The following EXOC6 variants were observed in gnomAD, a reference collection of about 807,000 sequenced individuals.
EXOC6 encodes the protein SEC15-like 1.
In EXOC6, 60 loss-of-function variants were observed where a neutral mutation model predicts 112.5. The observed-to-expected ratio is 0.53, with a 90% CI of 0.43 to 0.66. The LOEUF (loss-of-function observed/expected upper bound fraction) is 0.66. Among genes scored for constraint, EXOC6 ranks in the 30% least tolerant of loss-of-function variants. The pLI is 0.00. For missense variants in EXOC6, 855 were observed against 957.1 expected, an observed-to-expected ratio of 0.89 and a Z score of 1.41; for synonymous variants, 295 against 308.0, an observed-to-expected ratio of 0.96 and a Z score of 0.44.
rs1031009319 is a variant in EXOC6, at chr10:92,920,285, C to G, written c.888+235C>G. ...TGTAATAGTATACTTCCATTTCTCC[C>G]TATTGCCTTTGTGCTGTTGTTACAT... On this transcript the variant is annotated intron_variant, in intron 8 of 21. Transcript: ENST00000260762. 5.3e-5 allele frequency among the ~76,000 whole-genome samples: 8 copies of G among 152,090 alleles called. No individual in the cohort carries two copies. In the East Asian group the frequency reaches 1.5e-3, roughly 29 times the overall value.
chr10:92,998,628 C>A lies in EXOC6; in HGVS notation c.2095+1013C>A, dbSNP rs200399649. On this transcript the variant is annotated intron_variant, in intron 19 of 21. Transcript: ENST00000260762. ...GACAAGATCAATTGTCTGTTGCACA[C>A]CACACACACACACACACACACACAC... 2.1e-5 allele frequency among the ~76,000 whole-genome samples: 3 copies of A among 141,444 alleles called. No homozygotes were observed. In the East Asian group the frequency reaches 6.3e-4, roughly 29 times the overall value. The allele number at this position is 141,444 out of a possible 152,430, so 92.8% of individuals were successfully genotyped here. A position where few individuals can be genotyped will look rare whatever the true frequency, so the allele number is the denominator to read the frequency against.
At chr10:92,836,755 G>A (rs1846670473) in intron 1 of EXOC6, among the ~76,000 whole-genome samples, 2 of 152,176 alleles carry the variant, frequency 1.3e-5, no homozygotes, top group South Asian at 2.1e-4. Context: ...TACGTGTGTC[G>A]CTGATTTTCT....
intron 20 of EXOC6, among the ~76,000 whole-genome samples, chr10:93,019,487 T>C (rs900110358): frequency 1.3e-5 from 2 of 152,210 alleles, no homozygotes; most frequent in African/African-American, 4.8e-5. Flanking sequence ...TATTCTAGTT[T>C]TATGACAATC....
chr10:92,915,976 T>C lies in EXOC6; in HGVS notation c.819+63T>C, dbSNP rs1408383864. ...ATTTTTTTTCTTTTGGATTGTAATG[T>C]ACATCTGTGTGATTTAGTCTTCCTG... On this transcript the variant is annotated intron_variant, in intron 7 of 21. Coordinates refer to ENST00000260762, the MANE Select transcript of EXOC6 (RefSeq NM_019053.6). 9.4e-6 allele frequency: 11 copies of C among 1,165,952 alleles called. No individual in the cohort carries two copies. The Admixed American group carries it at 1.2e-4, about 12-fold the overall frequency. The allele number at this position is 1,165,952 out of a possible 1,614,324, so 72.2% of individuals were successfully genotyped here.
intron 20 of EXOC6, among the ~76,000 whole-genome samples, chr10:93,029,556 A>G (rs918590259): frequency 2.0e-5 from 3 of 152,090 alleles, no homozygotes; most frequent in Non-Finnish European, 2.9e-5. Flanking sequence ...AGGTCTATGT[A>G]TTGTTGTAAA....
chr10:92,936,414 T>C (rs1852342414), intron 12 of EXOC6, among the ~76,000 whole-genome samples: 1 of 152,258 alleles, frequency 6.6e-6, no homozygotes, highest in Non-Finnish European at 1.5e-5. Flanking sequence ...AACTGTATGT[T>C]CATTTTCTTC....
At position 92,935,803 on chromosome 10, in the gene EXOC6, T is replaced by C; in HGVS notation, c.1141-11T>C. 1 of 1,593,962 alleles carries C rather than the reference T, an allele frequency of 6.3e-7. No individual in the cohort carries two copies. The highest frequency in any genetic ancestry group is 8.6e-7 in the Non-Finnish European group (1 of 1,165,352). On this transcript the variant is annotated splice_polypyrimidine_tract_variant and intron_variant, in intron 11 of 21. Coordinates refer to ENST00000260762, the MANE Select transcript of EXOC6 (RefSeq NM_019053.6). ...CGGTGTTTTGTTTTGTTTGTGTGTT[T>C]CCACCCTCAGTCCTATTGCACTGAT...
intron 14 of EXOC6, among the ~76,000 whole-genome samples, chr10:92,949,582 C>T (rs1292463494): frequency 2.0e-5 from 3 of 147,694 alleles, no homozygotes; most frequent in Non-Finnish European, 4.5e-5. Context: ...CATGTGCTAG[C>T]TCTGCTTGTG....
At chr10:92,846,593 G>C (rs1847062485), upstream of EXOC6, among the ~76,000 whole-genome samples, 2 of 152,168 alleles carry the variant, frequency 1.3e-5, no homozygotes, top group African/African-American at 4.8e-5. Context: ...TGAAAAGCTA[G>C]GTCTCTCTGC....
At chr10:92,942,766 TGTATTG>T (rs1215809683) in intron 13 of EXOC6, among the ~76,000 whole-genome samples, 1 of 152,138 alleles carries the variant, frequency 6.6e-6, no homozygotes. Flanking sequence ...GTCGATAGAT[TGTATTG>T]GGCCAGCTAT....
At chr10:92,843,774 T>C (rs796560426), upstream of EXOC6, among the ~76,000 whole-genome samples, 19 of 152,006 alleles carry the variant, frequency 1.2e-4, no homozygotes, top group African/African-American at 4.6e-4. Flanking sequence ...TGGATCACGA[T>C]GTCAGGAGTT....
chr10:93,035,305 A>G (rs537494646), intron 20 of EXOC6, among the ~76,000 whole-genome samples: 1 of 152,354 alleles, frequency 6.6e-6, no homozygotes, highest in South Asian at 2.1e-4. Context: ...CTTTGAACTC[A>G]AATTTTTATG....
chr10:93,058,328 G>A lies in EXOC6; in HGVS notation c.2388G>A (p.Leu796=). The A allele has an allele frequency of 6.2e-7, 1 of 1,611,384 alleles. No individual in the cohort carries two copies. Among genetic ancestry groups the A allele is most frequent in the Non-Finnish European group, 8.5e-7 (1 of 1,179,490 alleles). ...CAGTCGTGAAACAGCTGAGAAGTTT[G>A]GTGAATGGTATGTCCCAGCACATGT... ...IETVVKQLRS[L]VNGMSQHM The change falls in exon 22 of 22, where the codon TTG becomes TTA. Residue 796 remains leucine, a synonymous_variant. Transcript: ENST00000260762.
intron 1 of EXOC6, among the ~76,000 whole-genome samples, chr10:92,870,741 G>C (rs1259010427): frequency 1.3e-5 from 2 of 148,392 alleles, no homozygotes; most frequent in African/African-American, 2.5e-5. Context: ...ATGGAGTCTC[G>C]CTCTGTCACC....
At chr10:92,904,773 GT>G (rs1393601029) in intron 5 of EXOC6, among the ~76,000 whole-genome samples, 3 of 151,950 alleles carry the variant, frequency 2.0e-5, no homozygotes, top group African/African-American at 7.2e-5. Flanking sequence ...AGAGTAGGAA[GT>G]TTTAGTTTTA....
upstream of EXOC6, among the ~76,000 whole-genome samples, chr10:92,847,689 C>T (rs1372991546): frequency 2.0e-5 from 3 of 152,070 alleles, no homozygotes; most frequent in African/African-American, 4.8e-5. Context: ...ACACTGATAC[C>T]TTTGTCCAAG....
At chr10:92,848,369 G>C (rs146199230), upstream of EXOC6, 11 of 300,394 alleles carry the variant, frequency 3.7e-5, no homozygotes, top group African/African-American at 2.5e-4. Context: ...AGGTGCGGGG[G>C]CGGGAACCGG....
intron 1 of EXOC6, among the ~76,000 whole-genome samples, chr10:92,862,331 C>CCA (rs562918880): frequency 9.5e-4 from 111 of 117,226 alleles, no homozygotes; most frequent in African/African-American, 3.3e-3. Context: ...AAGTTTCATG[C>CCA]CCCCCCCCCA....
chr10:92,939,266 T>C (rs1852524171), intron 12 of EXOC6, among the ~76,000 whole-genome samples: 1 of 152,014 alleles, frequency 6.6e-6, no homozygotes, highest in Non-Finnish European at 1.5e-5. Context: ...TTTACAATGG[T>C]CTAGGTAAGA....
Sources: allele counts gnomAD v4.1 joint callset (sites outside exome capture counted in the v4.1 genomes callset), GRCh38; gene constraint gnomAD v4.1.1; transcripts MANE v1.5; gene names NCBI Gene and HGNC (gene_info 2026-07-23, HGNC 2026-07-21).